Variants in KCTD2 observed in about 807,000 individuals in gnomAD.
KCTD2 encodes potassium channel tetramerization domain containing 2, also known as BTB/POZ domain-containing protein KCTD2.
In KCTD2, 18 loss-of-function variants were observed where a neutral mutation model predicts 27.9. The ratio of observed to expected loss-of-function variants is 0.64; its 90% CI spans 0.45 to 0.96. The LOEUF is 0.96. Ranked by LOEUF, KCTD2 falls within the 40% of genes least tolerant of loss-of-function variation. The pLI, the probability that KCTD2 is intolerant of heterozygous loss-of-function variation, is 0.00. For missense variants in KCTD2, 280 were observed against 348.0 expected (o/e 0.80, Z 1.56); for synonymous variants, 175 against 148.4 (o/e 1.18, Z -1.30).
chr17:75,045,096 C>G (rs2073199869), upstream of KCTD2, among the ~76,000 whole-genome samples: 1 of 152,142 alleles, frequency 6.6e-6, no homozygotes, highest in Non-Finnish European at 1.5e-5. Context: ...AATTTTAAAG[C>G]TGGGCGTCCG....
At chr17:75,046,207 C>G (rs562609514), upstream of KCTD2, among the ~76,000 whole-genome samples, 10 of 152,120 alleles carry the variant, frequency 6.6e-5, no homozygotes, top group Admixed American at 5.2e-4. Flanking sequence ...CTCAGCCTCC[C>G]GAGCAGCTGG....
At chr17:75,060,118 A>G (rs1364868382) in intron 4 of KCTD2, among the ~76,000 whole-genome samples, 1 of 152,098 alleles carries the variant, frequency 6.6e-6, no homozygotes, top group African/African-American at 2.4e-5. Flanking sequence ...CTGAGCTATC[A>G]AAACAAAGCT....
upstream of KCTD2, chr17:75,047,222 G>A (rs1393880250): frequency 1.3e-6 from 1 of 781,452 alleles, no homozygotes; most frequent in Non-Finnish European, 1.7e-6. Context: ...GCTGCGCGCG[G>A]GCAGCAGCGG....
chr17:75,045,191 G>A (rs539992751), upstream of KCTD2, among the ~76,000 whole-genome samples: 18 of 152,146 alleles, frequency 1.2e-4, no homozygotes, highest in Non-Finnish European at 2.4e-4. Context: ...TTTCAAAAGG[G>A]GAGGGAGTAT....
rs1338388795 is a variant in KCTD2 at position 75,032,982 on chromosome 17, A to G, written c.-470+258A>G. 6.6e-6 allele frequency: 1 copy of G among 152,240 alleles called. No individual in the cohort carries two copies. The highest frequency in any genetic ancestry group is 1.9e-4 in the East Asian group (1 of 5,204). 9.4% of individuals were successfully genotyped at this position (152,240 alleles called of 1,614,324 possible). On this transcript the variant is annotated intron_variant, in intron 1 of 7. Coordinates refer to the KCTD2 transcript ENST00000581589. This position sits in a 1 kb window ranked among gnomAD's most constrained non-coding sequence, Gnocchi z 4.8. ...TACATTTTGGAGAGAAACAGAAAAG[A>G]ATGTCCCCAAGTCTCCTTTGCCCTG... is the stretch of plus-strand genomic sequence containing the variant.
At chr17:75,045,300 G>GA (rs1479774326), upstream of KCTD2, among the ~76,000 whole-genome samples, 2 of 152,234 alleles carry the variant, frequency 1.3e-5, no homozygotes, top group African/African-American at 4.8e-5. Flanking sequence ...CACAGGACCA[G>GA]AGCGAAATTA....
Position 75,047,608 on chromosome 17 carries a change from C to G in KCTD2, c.339+19C>G, listed in dbSNP as rs767108074. The G allele has an allele frequency of 5.9e-5, 94 of 1,599,850 alleles. No individual in the cohort carries two copies. The highest frequency in any genetic ancestry group is 7.8e-5 in the Non-Finnish European group (92 of 1,173,978). ...AGACAAGGTGTGCCCCGCCCTCGGG[C>G]GCGCCCCCGGGCCTTCGAACCCCCT... On this transcript the variant is annotated intron_variant, in intron 1 of 5. Transcript: ENST00000322444.
chr17:75,052,097 A>G (rs1475556591), intron 2 of KCTD2, among the ~76,000 whole-genome samples: 3 of 152,184 alleles, frequency 2.0e-5, no homozygotes, highest in Non-Finnish European at 4.4e-5. Flanking sequence ...AGTTCCAGGA[A>G]CTAAGTGACA....
chr17:75,062,418 G>T (rs1336823624), intron 5 of KCTD2, among the ~76,000 whole-genome samples, 173 bp downstream of exon 5: 1 of 152,090 alleles, frequency 6.6e-6, no homozygotes, highest in Non-Finnish European at 1.5e-5. Context: ...GATTTACGGA[G>T]CACTGACAGG....
At position 75,047,401 on chromosome 17, in the gene KCTD2, G is replaced by A. The variant is rs1245993645; in HGVS notation, c.151G>A (p.Val51Ile). The A allele has an allele frequency of 7.7e-6, 9 of 1,174,148 alleles. No homozygotes were observed. Among genetic ancestry groups the A allele is most frequent in the Non-Finnish European group, 7.4e-6 (7 of 951,366 alleles). The allele number at this position is 1,174,148 out of a possible 1,614,324, so 72.7% of individuals were successfully genotyped here. A position where few individuals can be genotyped will look rare whatever the true frequency, so the allele number is the denominator to read the frequency against. The stretch of plus-strand genomic sequence containing the variant: ...CGGGCACGGCCGCCCGGCTGCCGCC[G>A]TCGCGCAGCCGCTGGAGCCGGGTCC... ...PRGHGRPAAA[V>I]AQPLEPGPGP... The change falls in exon 1 of 6, where the codon GTC becomes ATC. Residue 51 changes from valine (V) to isoleucine (I), a missense_variant. Val to Ile is a conservative substitution (Grantham distance 29, BLOSUM62 3). Transcript: ENST00000322444.
At chr17:75,040,454 G>T (rs1204943941) in intron 3 of KCTD2, 6 of 417,718 alleles carry the variant, frequency 1.4e-5, no homozygotes, top group Non-Finnish European at 2.6e-5. Flanking sequence ...ATCTGAAAAG[G>T]ACAGCTGGAC....
At chr17:75,061,864 G>T (rs1039270219) in intron 4 of KCTD2, among the ~76,000 whole-genome samples, 5 of 143,206 alleles carry the variant, frequency 3.5e-5, no homozygotes, top group East Asian at 1.9e-4. Flanking sequence ...TGCCGCTGAC[G>T]GGGGGGGACT....
chr17:75,039,832 G>T lies in KCTD2; in HGVS notation c.-259+4475G>T, dbSNP rs545387889. Reference sequence around the variant, plus strand: ...AGCAGTCCCCTCTCAACCATCCCCAGGCAGCCACTGTAGACAAACTACATT... The same window carrying T: ...AGCAGTCCCCTCTCAACCATCCCCATGCAGCCACTGTAGACAAACTACATT... On this transcript the variant is annotated intron_variant, in intron 3 of 7. Coordinates refer to the KCTD2 transcript ENST00000581589. 4 of 474,940 alleles carry T rather than the reference G, an allele frequency of 8.4e-6. 1 individual carries two copies. In the South Asian group the frequency reaches 1.1e-4, roughly 13 times the overall value. The allele number at this position is 474,940 out of a possible 1,614,324, so 29.4% of individuals were successfully genotyped here.
intron 3 of KCTD2, chr17:75,039,461 A>G: frequency 1.7e-6 from 1 of 574,750 alleles, no homozygotes. Context: ...AGAGAAGCCC[A>G]TATGGAAAAC....
rs1324003913 is a variant in KCTD2 at position 75,062,099 on chromosome 17, A to G, written c.637-21A>G. The G allele has an allele frequency of 1.9e-6, 3 of 1,613,368 alleles. No homozygotes were observed. In the South Asian group the frequency reaches 3.3e-5, roughly 18 times the overall value. ...TGTTAAGATTGCCACATGAATGTTC[A>G]CTGTATTCTTGGTTCATCAGCTCAT... On this transcript the variant is annotated intron_variant, in intron 4 of 5. Transcript: ENST00000322444.
intron 2 of KCTD2, among the ~76,000 whole-genome samples, chr17:75,049,673 C>G (rs1162429196): frequency 6.6e-6 from 1 of 152,234 alleles, no homozygotes; most frequent in East Asian, 1.9e-4. Flanking sequence ...CAAGACATCT[C>G]TGACATTCAA....
chr17:75,052,937 G>A (rs1598123615), intron 2 of KCTD2, 77 bp from the exon 3 acceptor site: 1 of 1,031,864 alleles, frequency 9.7e-7, no homozygotes, highest in East Asian at 2.4e-5. Context: ...TAGCAAGCAT[G>A]TAACCTTCAT....
At chr17:75,040,740 G>T (rs1176581353) in intron 3 of KCTD2, 1 of 152,564 alleles carries the variant, frequency 6.6e-6, no homozygotes, top group East Asian at 2.0e-4. Context: ...ACAAAAATTA[G>T]CTGTGCAAGG....
chr17:75,042,289 G>A (rs375365983), upstream of KCTD2: 1 of 1,613,016 alleles, frequency 6.2e-7, no homozygotes, highest in Non-Finnish European at 8.5e-7. Context: ...TGCCCACAAG[G>A]AAAGGCAAAA....
Sources: gnomAD v4.1 joint callset for allele counts (sites outside exome capture counted in the v4.1 genomes callset) on GRCh38, gnomAD v4.1.1 for gene constraint, Gnocchi (gnomAD v3.1) non-coding constraint, MANE v1.5 for transcripts, NCBI Gene and HGNC (gene_info 2026-07-23, HGNC 2026-07-21) for gene names.